Variants in ATP2B1 observed in about 807,000 individuals in gnomAD.
The protein encoded by ATP2B1 is plasma membrane calcium-transporting ATPase 1.
In ATP2B1, 14 loss-of-function variants were observed where a neutral mutation model predicts 124.2. The ratio of observed to expected loss-of-function variants is 0.11; its 90% CI spans 0.07 to 0.18. The LOEUF (loss-of-function observed/expected upper bound fraction) is 0.18. Among genes scored for constraint, ATP2B1 ranks in the 10% least tolerant of loss-of-function variants. The pLI is 1.00. For missense variants in ATP2B1, 763 were observed against 1,466.1 expected, an observed-to-expected ratio of 0.52 and a Z score of 7.83; for synonymous variants, 449 against 492.4, an observed-to-expected ratio of 0.91 and a Z score of 1.17.
chr12:89,618,757 A>AC (rs1366657458), intron 11 of ATP2B1, among the ~76,000 whole-genome samples: 1 of 152,178 alleles, frequency 6.6e-6, no homozygotes, highest in Admixed American at 6.5e-5. Context: ...CCACATCCCT[A>AC]CAGTGTGATC....
chr12:89,624,357 T>A lies in ATP2B1; in HGVS notation c.1170A>T (p.Leu390Phe), dbSNP rs1027541989. ...CCCAGAAGGTGTCAATGACAAAATATAATACTAGAATGATAACTGTGATGG... is the reference window on the plus strand; with the variant it reads ...CCCAGAAGGTGTCAATGACAAAATAAAATACTAGAATGATAACTGTGATGG... ...MSAITVIILV[L>F]YFVIDTFWVQ... is the part of the protein sequence containing the mutation. Residue 390 changes from leucine (L) to phenylalanine (F), a missense_variant, in exon 9 of 21, where the codon TTA (leucine) becomes TTT (phenylalanine). This residue lies in a region of ATP2B1 where 392 missense variants were observed against 776.6 expected (regional missense o/e 0.50). Coordinates refer to ENST00000428670, the MANE Select transcript of ATP2B1 (RefSeq NM_001366521.1). 1 of 1,613,952 alleles carries A rather than the reference T, an allele frequency of 6.2e-7. No individual in the cohort carries two copies. The highest frequency in any genetic ancestry group is 1.7e-5 in the Admixed American group (1 of 59,998).
At chr12:89,701,701 T>C (rs1431581626) in intron 1 of ATP2B1, among the ~76,000 whole-genome samples, 1 of 152,194 alleles carries the variant, frequency 6.6e-6, no homozygotes, top group Non-Finnish European at 1.5e-5. Context: ...TGAATTTCAA[T>C]GTGGCAGTTA....
At chr12:89,631,590 TTC>T (rs957984240) in intron 5 of ATP2B1, among the ~76,000 whole-genome samples, 1 of 152,160 alleles carries the variant, frequency 6.6e-6, no homozygotes, top group Admixed American at 6.5e-5. Context: ...GCTCAAAAAT[TTC>T]TGATTCTTCG....
chr12:89,677,939 G>A (rs1888811913), intron 1 of ATP2B1, among the ~76,000 whole-genome samples: 2 of 117,290 alleles, frequency 1.7e-5, no homozygotes, highest in African/African-American at 3.2e-5. Context: ...TCAGGGGGTT[G>A]GGGGCATGCA....
chr12:89,678,146 T>TA (rs1362503891), intron 1 of ATP2B1, among the ~76,000 whole-genome samples: 2 of 151,652 alleles, frequency 1.3e-5, no homozygotes, highest in Non-Finnish European at 2.9e-5. Context: ...ATAATGAAGA[T>TA]AAAATGACTG....
intron 15 of ATP2B1, among the ~76,000 whole-genome samples, chr12:89,609,604 C>G (rs1223575654): frequency 6.6e-6 from 1 of 151,864 alleles, no homozygotes; most frequent in Admixed American, 6.6e-5. Context: ...TTTAAATACA[C>G]ACAACTATTC....
intron 2 of ATP2B1, among the ~76,000 whole-genome samples, chr12:89,645,365 A>C (rs1293007119): frequency 6.6e-6 from 1 of 152,248 alleles, no homozygotes; most frequent in Non-Finnish European, 1.5e-5. Context: ...ATACATATTT[A>C]CTGAATATTT....
intron 2 of ATP2B1, among the ~76,000 whole-genome samples, chr12:89,653,534 T>A (rs931662385): frequency 1.3e-5 from 2 of 151,162 alleles, no homozygotes; most frequent in African/African-American, 4.9e-5. Flanking sequence ...CCTGACCTCA[T>A]GATCCACCCG....
At chr12:89,630,288 C>A (rs1881638516) in intron 6 of ATP2B1, among the ~76,000 whole-genome samples, 1 of 152,112 alleles carries the variant, frequency 6.6e-6, no homozygotes. Context: ...TGCAAGAATG[C>A]CAATGGAAGT....
chr12:89,679,675 A>G (rs1304199680), intron 1 of ATP2B1, among the ~76,000 whole-genome samples: 3 of 152,178 alleles, frequency 2.0e-5, no homozygotes, highest in Non-Finnish European at 4.4e-5. Context: ...TGCAAATCTG[A>G]GGGTACATCG....
intron 6 of ATP2B1, among the ~76,000 whole-genome samples, chr12:89,628,328 GA>G (rs1881251028): frequency 6.8e-6 from 1 of 146,284 alleles, no homozygotes; most frequent in Non-Finnish European, 1.5e-5. Flanking sequence ...CTTGAACCCG[GA>G]AGGCGGAGGT....
chr12:89,631,321 G>A (rs1281000355), intron 5 of ATP2B1, among the ~76,000 whole-genome samples: 5 of 152,140 alleles, frequency 3.3e-5, no homozygotes, highest in Non-Finnish European at 7.3e-5. Flanking sequence ...TTCAATGAAT[G>A]CTCATTAATT....
chr12:89,653,464 T>A (rs1260625514), intron 2 of ATP2B1, among the ~76,000 whole-genome samples: 1 of 150,092 alleles, frequency 6.7e-6, no homozygotes. Flanking sequence ...GCCCGGCTAA[T>A]TTTTTTGTAT....
chr12:89,670,098 C>T (rs1420273283), intron 1 of ATP2B1, among the ~76,000 whole-genome samples: 1 of 151,894 alleles, frequency 6.6e-6, no homozygotes. Flanking sequence ...AAATTAAATG[C>T]CAAATTGGAA....
intron 10 of ATP2B1, among the ~76,000 whole-genome samples, chr12:89,620,598 T>C (rs1012325593): frequency 2.0e-5 from 3 of 152,216 alleles, no homozygotes; most frequent in Admixed American, 1.3e-4. Context: ...AATTTTAATT[T>C]CCTTTTCCTG....
At chr12:89,642,649 G>A (rs1383416401) in intron 2 of ATP2B1, among the ~76,000 whole-genome samples, 1 of 152,084 alleles carries the variant, frequency 6.6e-6, no homozygotes, top group African/African-American at 2.4e-5. Context: ...CTGTCACCCA[G>A]GCTGGCGTGC....
At chr12:89,688,836 T>TAAA (rs1890241208) in intron 1 of ATP2B1, among the ~76,000 whole-genome samples, 1 of 152,052 alleles carries the variant, frequency 6.6e-6, no homozygotes, top group Non-Finnish European at 1.5e-5. Context: ...CTAAAATTCT[T>TAAA]TGTCTATCCC....
At chr12:89,611,813 T>C (rs532276926) in intron 12 of ATP2B1, 2 of 153,488 alleles carry the variant, frequency 1.3e-5, no homozygotes, top group South Asian at 2.1e-4. Context: ...CCTATTCCCA[T>C]ACCTTCAATT....
At chr12:89,634,717 C>T in intron 5 of ATP2B1, 61 bp downstream of exon 5, 1 of 1,446,890 alleles carries the variant, frequency 6.9e-7, no homozygotes, top group Non-Finnish European at 9.3e-7. Context: ...ATGGTGTTTG[C>T]TGACAATGGT....
Sources: allele counts gnomAD v4.1 joint callset (sites outside exome capture counted in the v4.1 genomes callset), GRCh38; gene constraint gnomAD v4.1.1; regional missense constraint gnomAD v4.1.1; transcripts MANE v1.5; gene names NCBI Gene and HGNC (gene_info 2026-07-23, HGNC 2026-07-21).